KLRG1: variants seen among roughly 807,000 people sequenced by gnomAD.
KLRG1 encodes killer cell lectin-like receptor subfamily G member 1.
A neutral mutation model predicts 21.8 loss-of-function variants in KLRG1; 16 were observed. The observed-to-expected ratio is 0.73, with a 90% CI of 0.50 to 1.11. KLRG1 has a LOEUF of 1.11. Ranked by LOEUF, KLRG1 falls within the 50% of genes most tolerant of loss-of-function variation. The probability of loss-of-function intolerance (pLI) is 0.00; values close to 1 mark genes in which losing one functional copy is unlikely to be tolerated. For synonymous variants in KLRG1, 69 were observed against 75.9 expected (o/e 0.91, Z 0.47); for missense variants, 173 against 218.3 (o/e 0.79, Z 1.31).
chr12:9,158,690 G>T, the KLRG1 span: 2 of 948,596 alleles, frequency 2.1e-6, no homozygotes, highest in Non-Finnish European at 2.9e-6. Context: ...TCAATCAGCT[G>T]TTACTGAGAG....
chr12:9,202,562 G>C, the KLRG1 span: 4 of 1,614,056 alleles, frequency 2.5e-6, no homozygotes, highest in Admixed American at 5.0e-5. Context: ...TGTCTGTCTG[G>C]ACAAAGACCA....
At chr12:9,031,996 A>G in the KLRG1 span, among the ~76,000 whole-genome samples, 2 of 152,202 alleles carry the variant, frequency 1.3e-5, no homozygotes, top group Non-Finnish European at 2.9e-5. Flanking sequence ...TACTCAGTCC[A>G]CTAATTTAAA....
chr12:9,125,009 G>A, the KLRG1 span, among the ~76,000 whole-genome samples: 1 of 152,236 alleles, frequency 6.6e-6, no homozygotes, highest in Non-Finnish European at 1.5e-5. Context: ...GGAGGGACAG[G>A]AAGACCAGTT....
the KLRG1 span, chr12:9,095,147 T>G: frequency 8.6e-6 from 7 of 815,032 alleles, no homozygotes; most frequent in South Asian, 2.4e-5. Context: ...AGGTAGCTAC[T>G]TCTTTTTATT....
the KLRG1 span, chr12:9,157,506 T>A: frequency 1.2e-6 from 1 of 835,076 alleles, no homozygotes; most frequent in African/African-American, 1.7e-5. Context: ...GAAAAATATT[T>A]CGATCTCTTC....
At chr12:8,974,477 T>C (rs73238279) in intron 1 of KLRG1, among the ~76,000 whole-genome samples, 1,597 of 151,730 alleles carry the variant, frequency 0.011, 31 homozygotes, top group African/African-American at 0.035. Flanking sequence ...GTCTCAGTTT[T>C]TTCTGTATTG....
the KLRG1 span, among the ~76,000 whole-genome samples, chr12:9,210,365 T>C: frequency 1.3e-5 from 2 of 152,198 alleles, no homozygotes; most frequent in South Asian, 4.1e-4. Flanking sequence ...CAACACAATA[T>C]GTAAAGGGTC....
At chr12:9,200,478 G>A in the KLRG1 span, 2 of 1,500,436 alleles carry the variant, frequency 1.3e-6, no homozygotes, top group Non-Finnish European at 1.8e-6. Context: ...GAATAAGGAA[G>A]GTTGGTAAAC....
the KLRG1 span, among the ~76,000 whole-genome samples, chr12:9,159,275 T>C: frequency 1.3e-5 from 2 of 152,120 alleles, no homozygotes; most frequent in Non-Finnish European, 2.9e-5. Flanking sequence ...AACCTAAAAG[T>C]GTTCTCAATT....
chr12:9,094,160 CAT>C, the KLRG1 span, among the ~76,000 whole-genome samples: 8 of 151,886 alleles, frequency 5.3e-5, no homozygotes, highest in Non-Finnish European at 1.0e-4. Flanking sequence ...AACTGACACA[CAT>C]GTTATGACAG....
At chr12:9,172,751 G>C in the KLRG1 span, among the ~76,000 whole-genome samples, 1 of 152,002 alleles carries the variant, frequency 6.6e-6, no homozygotes, top group South Asian at 2.1e-4. Flanking sequence ...TAATAGTAAA[G>C]GATTCAATTC....
the KLRG1 span, among the ~76,000 whole-genome samples, chr12:9,126,032 C>T: frequency 6.6e-6 from 1 of 152,262 alleles, no homozygotes; most frequent in East Asian, 1.9e-4. Context: ...TGTGCCTGGC[C>T]ATGTTTATAT....
the KLRG1 span, among the ~76,000 whole-genome samples, chr12:9,207,081 A>G: frequency 6.6e-6 from 1 of 152,210 alleles, no homozygotes; most frequent in Non-Finnish European, 1.5e-5. Context: ...TGAGGAAAGC[A>G]GGAGACTTAC....
chr12:9,166,701 T>A, the KLRG1 span, among the ~76,000 whole-genome samples: 1 of 152,264 alleles, frequency 6.6e-6, no homozygotes, highest in Non-Finnish European at 1.5e-5. Flanking sequence ...AAACTGTTGT[T>A]CTCTGGGAAA....
the KLRG1 span, among the ~76,000 whole-genome samples, chr12:9,182,684 G>T: frequency 6.6e-6 from 1 of 152,152 alleles, no homozygotes; most frequent in Non-Finnish European, 1.5e-5. Context: ...TAACACTTCA[G>T]AAAATACTTT....
At chr12:9,015,484 C>T (rs999496121), downstream of KLRG1, among the ~76,000 whole-genome samples, 2 of 152,100 alleles carry the variant, frequency 1.3e-5, no homozygotes, top group Non-Finnish European at 2.9e-5. Flanking sequence ...TAAATATGCA[C>T]CTGACACTGG....
chr12:8,974,064 A>C (rs1371896861), intron 1 of KLRG1, among the ~76,000 whole-genome samples: 1 of 151,922 alleles, frequency 6.6e-6, no homozygotes, highest in Non-Finnish European at 1.5e-5. Context: ...TCTGGCTAGG[A>C]TATCCAGCAC....
the KLRG1 span, chr12:9,152,193 A>C: frequency 6.8e-7 from 1 of 1,464,084 alleles, no homozygotes; most frequent in Non-Finnish European, 9.6e-7. Context: ...TTTTGTATGA[A>C]GTCTATTAGG....
At chr12:9,077,631 T>G in the KLRG1 span, 1 of 1,571,016 alleles carries the variant, frequency 6.4e-7, no homozygotes, top group Non-Finnish European at 8.6e-7. Flanking sequence ...TTTTTCACAT[T>G]ATCACTTCCT....
Sources: allele counts gnomAD v4.1 joint callset (sites outside exome capture counted in the v4.1 genomes callset), GRCh38; gene constraint gnomAD v4.1.1; transcripts MANE v1.5; gene names NCBI Gene and HGNC (gene_info 2026-07-23, HGNC 2026-07-21).